The following DNMT1 variants were observed in gnomAD, a reference collection of about 807,000 sequenced individuals.
DNMT1 encodes DNA methyltransferase 1, also known as DNA (cytosine-5)-methyltransferase 1.
In DNMT1, 24 loss-of-function variants were observed where a neutral mutation model predicts 205.3. The ratio of observed to expected loss-of-function variants is 0.12; its 90% confidence interval spans 0.08 to 0.16. The LOEUF (loss-of-function observed/expected upper bound fraction) is 0.16. Ranked by LOEUF, DNMT1 falls within the 10% of genes least tolerant of loss-of-function variation. DNMT1 has a pLI of 1.00. For missense variants in DNMT1, 1,293 were observed against 2,177.7 expected, an observed-to-expected ratio of 0.59 and a Z score of 8.09; for synonymous variants, 817 against 839.8, an observed-to-expected ratio of 0.97 and a Z score of 0.47.
rs2089578154 is a variant in DNMT1 at position 10,140,365 on chromosome 19, C to T, written c.3524-37G>A. 2 of 1,606,630 alleles carry T rather than the reference C, an allele frequency of 1.2e-6. No homozygotes were observed. The highest frequency in any genetic ancestry group is 8.5e-7 in the Non-Finnish European group (1 of 1,179,186). On this transcript the variant is annotated intron_variant, in intron 32 of 40. Coordinates refer to ENST00000359526, the MANE Select transcript of DNMT1 (RefSeq NM_001130823.3). This position sits in a 1 kb window ranked among gnomAD's most constrained non-coding sequence, Gnocchi z 8.4. ...AGCACGAAGCCATGCTTTCAACTCT[C>T]CAGAAGATTTTTTTTTTTTTTTGAG...
At chr19:10,148,834 G>A (rs1257475238) in intron 27 of DNMT1, 50 bp downstream of exon 27, 1 of 1,613,442 alleles carries the variant, frequency 6.2e-7, no homozygotes, top group Non-Finnish European at 8.5e-7. Flanking sequence ...AAAAGGGAGT[G>A]ATGTGGGCTG....
chr19:10,162,859 C>T, intron 12 of DNMT1, 111 bp from the exon 13 acceptor site: 1 of 1,196,656 alleles, frequency 8.4e-7, no homozygotes, highest in Non-Finnish European at 1.2e-6. Flanking sequence ...GCAAGATACC[C>T]ATGGGAGCTC....
At chr19:10,174,461 T>C (rs1163289461) in intron 7 of DNMT1, among the ~76,000 whole-genome samples, 1 of 151,936 alleles carries the variant, frequency 6.6e-6, no homozygotes, top group Non-Finnish European at 1.5e-5. Context: ...ATCCCAACAC[T>C]TTGGGAGGCT....
chr19:10,134,982 C>A (rs1250194715), intron 39 of DNMT1, among the ~76,000 whole-genome samples: 1 of 151,944 alleles, frequency 6.6e-6, no homozygotes, highest in Non-Finnish European at 1.5e-5. Context: ...GAGGCCGAGG[C>A]AGGCGGATCA....
At position 10,151,259 on chromosome 19, in the gene DNMT1, G is replaced by T; in HGVS notation, c.2265+139C>A. ...GGAACATGGTCTCTTGGCCAGTCCC[G>T]CTCTTCTCAGGGGCAAACAGACAGG... On this transcript the variant is annotated intron_variant, in intron 24 of 40. Transcript: ENST00000359526. This position sits in a 1 kb window ranked among gnomAD's most constrained non-coding sequence, Gnocchi z 5.0. 1.5e-6 allele frequency: 2 copies of T among 1,299,656 alleles called. No individual in the cohort carries two copies. Among genetic ancestry groups the T allele is most frequent in the Non-Finnish European group, 1.1e-6 (1 of 911,700 alleles). The allele number at this position is 1,299,656 out of a possible 1,614,324, so 80.5% of individuals were successfully genotyped here.
At chr19:10,187,524 T>C (rs1392129182) in intron 1 of DNMT1, among the ~76,000 whole-genome samples, 15 of 136,140 alleles carry the variant, frequency 1.1e-4, no homozygotes, top group East Asian at 8.6e-4. Context: ...TCACTAGAGC[T>C]CAGGAATTTG....
chr19:10,141,792 T>A lies in DNMT1; in HGVS notation c.3309+236A>T, dbSNP rs554077229. Reference sequence around the variant, plus strand: ...TTAGGTTCTCTAATGACGTACTTTTTAAAAACCAGGAGTGTTAAACTCCGG... The same window carrying A: ...TTAGGTTCTCTAATGACGTACTTTTAAAAAACCAGGAGTGTTAAACTCCGG... On this transcript the variant is annotated intron_variant, in intron 30 of 40. Transcript: ENST00000359526. The A allele has an allele frequency of 8.0e-5, 45 of 563,420 alleles. No individual in the cohort carries two copies. The South Asian group carries it at 1.1e-3, about 13-fold the overall frequency. 34.9% of individuals were successfully genotyped at this position (563,420 alleles called of 1,614,324 possible).
chr19:10,158,935 A>C (rs1280923904), intron 17 of DNMT1, among the ~76,000 whole-genome samples: 1 of 152,168 alleles, frequency 6.6e-6, no homozygotes, highest in East Asian at 1.9e-4. Context: ...CCGTCTTCAC[A>C]GAACTTCCTC....
intron 27 of DNMT1, among the ~76,000 whole-genome samples, chr19:10,147,844 T>C (rs1200723229): frequency 6.6e-6 from 1 of 151,932 alleles, no homozygotes; most frequent in African/African-American, 2.4e-5. Flanking sequence ...CCGGGCGCGG[T>C]GGCTCACACC....
intron 6 of DNMT1, 92 bp downstream of exon 6, chr19:10,177,200 G>T: frequency 8.6e-7 from 1 of 1,161,330 alleles, no homozygotes; most frequent in Non-Finnish European, 1.3e-6. Context: ...TATACAACAC[G>T]GAAGACAGAA....
At chr19:10,139,554 G>A (rs2089560543) in intron 34 of DNMT1, 122 bp downstream of exon 34, 1 of 1,495,686 alleles carries the variant, frequency 6.7e-7, no homozygotes, top group South Asian at 1.2e-5. Flanking sequence ...CACCATGCCA[G>A]CCTCTGCTGC....
chr19:10,175,051 T>G (rs1414487744), intron 7 of DNMT1, among the ~76,000 whole-genome samples: 1 of 123,372 alleles, frequency 8.1e-6, no homozygotes, highest in African/African-American at 3.0e-5. Flanking sequence ...AAAAAAAAAG[T>G]CTCAAAAAAA....
At chr19:10,157,878 G>A (rs943873046) in intron 17 of DNMT1, among the ~76,000 whole-genome samples, 1 of 152,226 alleles carries the variant, frequency 6.6e-6, no homozygotes, top group African/African-American at 2.4e-5. Flanking sequence ...GGGGAGACAT[G>A]GGAGAGAAGC....
At chr19:10,141,990 G>T (rs778347750) in intron 30 of DNMT1, 38 bp downstream of exon 30, 2 of 1,608,112 alleles carry the variant, frequency 1.2e-6, no homozygotes, top group East Asian at 2.2e-5. Context: ...GGCCAACTTT[G>T]ACCCCGAAGC....
rs2038416251 is a variant in DNMT1, at chr19:10,154,567, G to A, written c.1832+19C>T. The A allele has an allele frequency of 1.9e-6, 3 of 1,613,670 alleles. No homozygotes were observed. The highest frequency in any genetic ancestry group is 2.2e-5 in the South Asian group (2 of 91,074). On this transcript the variant is annotated intron_variant, in intron 21 of 40. Coordinates refer to ENST00000359526, the MANE Select transcript of DNMT1 (RefSeq NM_001130823.3). The surrounding 1 kb of genome is among the most constrained non-coding windows in gnomAD (Gnocchi z 6.3). ...TCCCCGGTCTCCAGTCTTCACTCTG[G>A]TCCCTGCCGCATCCTTACCTCTGTC...
At chr19:10,149,330 C>CA (rs57314224) in intron 26 of DNMT1, 123 bp downstream of exon 26, 73,718 of 847,030 alleles carry the variant, frequency 0.087, no homozygotes, top group Middle Eastern at 0.11. Context: ...AGTCTCAAAA[C>CA]AAAAAAAAAA....
At chr19:10,193,746 C>CGGACT (rs1389445764) in intron 1 of DNMT1, among the ~76,000 whole-genome samples, 1 of 151,842 alleles carries the variant, frequency 6.6e-6, no homozygotes, top group Non-Finnish European at 1.5e-5. Flanking sequence ...AAATCAGAAC[C>CGGACT]GGACTGGCCC....
At chr19:10,135,976 T>C in intron 38 of DNMT1, 124 bp from the exon 39 acceptor site, 2 of 1,486,360 alleles carry the variant, frequency 1.3e-6, no homozygotes, top group South Asian at 1.2e-5. Context: ...GCTTGTCCCG[T>C]GGACGTGGAG....
At chr19:10,170,137 T>G (rs998595759) in intron 9 of DNMT1, among the ~76,000 whole-genome samples, 1 of 151,488 alleles carries the variant, frequency 6.6e-6, no homozygotes, top group African/African-American at 2.4e-5. Flanking sequence ...ATACAAAAAT[T>G]AGGCGGACGG....
Sources: allele counts gnomAD v4.1 joint callset (sites outside exome capture counted in the v4.1 genomes callset), GRCh38; gene constraint gnomAD v4.1.1; non-coding constraint Gnocchi (gnomAD v3.1); transcripts MANE v1.5; gene names NCBI Gene and HGNC (gene_info 2026-07-23, HGNC 2026-07-21).